The following NCOA1 variants were observed in gnomAD, a reference collection of about 807,000 sequenced individuals.
NCOA1 encodes Hin-2 protein.
Under a neutral mutation model 150.9 loss-of-function variants are expected in NCOA1, and 35 were observed. The ratio of observed to expected loss-of-function variants is 0.23; its 90% CI spans 0.18 to 0.31. NCOA1 has a LOEUF of 0.31. Among genes scored for constraint, NCOA1 ranks in the 10% least tolerant of loss-of-function variants. The probability of loss-of-function intolerance (pLI) is 1.00; values close to 1 mark genes in which losing one functional copy is unlikely to be tolerated. For synonymous variants in NCOA1, 590 were observed against 630.0 expected, an observed-to-expected ratio of 0.94 and a Z score of 0.95; for missense variants, 1,491 against 1,749.3, an observed-to-expected ratio of 0.85 and a Z score of 2.63.
At chr2:24,588,712 T>G (rs1667519779) in intron 3 of NCOA1, among the ~76,000 whole-genome samples, 1 of 152,194 alleles carries the variant, frequency 6.6e-6, no homozygotes, top group Non-Finnish European at 1.5e-5. Context: ...ACCTCAGGTC[T>G]TTAGTAGGAG....
intron 4 of NCOA1, among the ~76,000 whole-genome samples, chr2:24,647,236 G>T (rs892585130): frequency 2.0e-5 from 3 of 152,048 alleles, no homozygotes; most frequent in African/African-American, 7.2e-5. Context: ...TATATTGATG[G>T]GTTTTCTATT....
chr2:24,746,429 C>T (rs1663922664), intron 19 of NCOA1, among the ~76,000 whole-genome samples: 1 of 152,080 alleles, frequency 6.6e-6, no homozygotes. Context: ...TGTAGTCCAG[C>T]TACTCGGGAG....
intron 1 of NCOA1, among the ~76,000 whole-genome samples, chr2:24,529,522 A>G (rs1381281823): frequency 2.0e-5 from 3 of 152,222 alleles, no homozygotes; most frequent in East Asian, 3.9e-4. Context: ...GATTTTGTTG[A>G]TATAAGGTAT....
chr2:24,742,097 G>A lies in NCOA1; in HGVS notation c.3617G>A (p.Ser1206Asn), dbSNP rs1173597106. ...ASLANRNSMV[S>N]RGMTGNIGGQ... ...TTGGCCAACCGCAACAGCATGGTGA[G>A]CAGAGGCATGACAGGAAACATAGGA... Residue 1206 changes from serine to asparagine, a missense_variant, in exon 19 of 23, where the codon AGC (serine) becomes AAC (asparagine). Transcript: ENST00000348332. 7 of 1,614,108 alleles carry A rather than the reference G, an allele frequency of 4.3e-6. No homozygotes were observed. Among genetic ancestry groups the A allele is most frequent in the Admixed American group, 1.7e-5 (1 of 60,014 alleles).
At chr2:24,561,763 G>A (rs184072735) in intron 1 of NCOA1, among the ~76,000 whole-genome samples, 9 of 152,224 alleles carry the variant, frequency 5.9e-5, no homozygotes, top group Admixed American at 5.9e-4. Flanking sequence ...GATAAGATGT[G>A]TTTATTGTCA....
intron 1 of NCOA1, among the ~76,000 whole-genome samples, chr2:24,536,253 G>A (rs1665137591): frequency 6.6e-6 from 1 of 152,068 alleles, no homozygotes; most frequent in Non-Finnish European, 1.5e-5. Context: ...GGTTATTGAA[G>A]CTTCTGCATG....
At chr2:24,679,456 G>T (rs1672064594) in intron 7 of NCOA1, among the ~76,000 whole-genome samples, 1 of 152,044 alleles carries the variant, frequency 6.6e-6, no homozygotes, top group South Asian at 2.1e-4. Flanking sequence ...CTTGAGGGTG[G>T]AATTCTGGCA....
At chr2:24,621,726 C>G (rs1669176033) in intron 3 of NCOA1, among the ~76,000 whole-genome samples, 1 of 152,082 alleles carries the variant, frequency 6.6e-6, no homozygotes, top group Non-Finnish European at 1.5e-5. Flanking sequence ...GTGATCCATC[C>G]TCTTCGGCTT....
chr2:24,571,163 T>G (rs1666730712), intron 2 of NCOA1, among the ~76,000 whole-genome samples: 1 of 151,882 alleles, frequency 6.6e-6, no homozygotes, highest in South Asian at 2.1e-4. Context: ...GAGGATTAAG[T>G]AAGATTGGCC....
At chr2:24,526,913 C>T (rs1179679037) in intron 1 of NCOA1, among the ~76,000 whole-genome samples, 1 of 151,984 alleles carries the variant, frequency 6.6e-6, no homozygotes, top group Non-Finnish European at 1.5e-5. Context: ...AGTGTAACAA[C>T]TATTTACATA....
chr2:24,501,842 A>G (rs752691239), intron 1 of NCOA1, among the ~76,000 whole-genome samples: 8 of 152,106 alleles, frequency 5.3e-5, no homozygotes, highest in Non-Finnish European at 8.8e-5. Context: ...ACCTCCCCCA[A>G]TGGTTTAGGA....
chr2:24,585,230 G>T (rs1012693404), intron 3 of NCOA1, among the ~76,000 whole-genome samples: 11 of 152,060 alleles, frequency 7.2e-5, no homozygotes, highest in African/African-American at 2.7e-4. Flanking sequence ...TGTATTTAGA[G>T]TTCTCTATCC....
chr2:24,509,352 T>C lies in NCOA1; in HGVS notation c.-396+17750T>C, dbSNP rs550203807. On this transcript the variant is annotated intron_variant, in intron 1 of 22. Coordinates refer to ENST00000348332, the MANE Select transcript of NCOA1 (RefSeq NM_003743.5). ...TGCTCATAATCACTTTGTTCTTCTATATCTGTAAAAGTGGGTATACAAATA... is the reference window on the plus strand; with the variant it reads ...TGCTCATAATCACTTTGTTCTTCTACATCTGTAAAAGTGGGTATACAAATA... Among the ~76,000 whole-genome samples, 3 of 152,368 alleles carry C rather than the reference T, an allele frequency of 2.0e-5. No homozygotes were observed. The East Asian group carries it at 5.8e-4, about 29-fold the overall frequency.
chr2:24,512,940 A>T (rs886250733), intron 1 of NCOA1, among the ~76,000 whole-genome samples: 1 of 152,290 alleles, frequency 6.6e-6, no homozygotes, highest in African/African-American at 2.4e-5. Context: ...GTATTGGATG[A>T]TTAAATGAAA....
chr2:24,725,714 CGT>C (rs57720230), intron 14 of NCOA1, among the ~76,000 whole-genome samples: 7,467 of 148,840 alleles, frequency 0.05, 254 homozygotes, highest in East Asian at 0.18. Flanking sequence ...CTAAAGTGTG[CGT>C]GTGTGTGTGT....
At chr2:24,716,424 A>G (rs1674047561) in intron 14 of NCOA1, among the ~76,000 whole-genome samples, 1 of 152,196 alleles carries the variant, frequency 6.6e-6, no homozygotes, top group South Asian at 2.1e-4. Context: ...ATTGACATTC[A>G]ACAAAGACAC....
In NCOA1 at chr2:24,729,622, A is replaced by G. The variant is rs551238301; in HGVS notation, c.3008A>G (p.Asn1003Ser). 4.3e-5 allele frequency: 69 copies of G among 1,614,038 alleles called. No individual in the cohort carries two copies. The South Asian group carries it at 5.5e-4, about 13-fold the overall frequency. The change falls in exon 17 of 23, where the codon AAT (asparagine) becomes AGT (serine). Residue 1003 changes from asparagine to serine, a missense_variant. Asn to Ser is a conservative substitution (Grantham distance 46). Transcript: ENST00000348332. ...QPYSSPSPTA[N>S]LPSPFQGMVR... is the part of the protein sequence containing the mutation. ...TACTCTTCTCCTTCTCCTACTGCCA[A>G]TCTCCCTAGCCCTTTCCAAGGCATG...
At chr2:24,571,134 T>A (rs1189336725) in intron 2 of NCOA1, among the ~76,000 whole-genome samples, 2 of 151,788 alleles carry the variant, frequency 1.3e-5, no homozygotes, top group Non-Finnish European at 2.9e-5. Context: ...CTATCTCGAG[T>A]ACAGGGGAGG....
intron 21 of NCOA1, among the ~76,000 whole-genome samples, chr2:24,760,447 G>A (rs1473876141): frequency 2.0e-5 from 3 of 150,886 alleles, no homozygotes; most frequent in South Asian, 4.2e-4. Flanking sequence ...GTGAGCCACC[G>A]CGCCCGGCCT....
Sources: allele counts gnomAD v4.1 joint callset (sites outside exome capture counted in the v4.1 genomes callset), GRCh38; gene constraint gnomAD v4.1.1; transcripts MANE v1.5; gene names NCBI Gene and HGNC (gene_info 2026-07-23, HGNC 2026-07-21).